Variants in GAREM1 observed in about 807,000 individuals in gnomAD.
The protein encoded by GAREM1 is GRB2 associated regulator of MAPK1 subtype 1.
A neutral mutation model predicts 71.3 loss-of-function variants in GAREM1; 26 were observed. That is an observed-to-expected ratio of 0.36 (90% CI 0.27 to 0.51). The LOEUF (loss-of-function observed/expected upper bound fraction) is 0.51. Ranked by LOEUF, GAREM1 falls within the 20% of genes least tolerant of loss-of-function variation. GAREM1 has a pLI of 0.95. For synonymous variants in GAREM1, 440 were observed against 433.2 expected (o/e 1.02, Z -0.20); for missense variants, 1,026 against 1,103.1 (o/e 0.93, Z 0.99).
At chr18:32,325,637 T>C (rs1328291185) in intron 2 of GAREM1, among the ~76,000 whole-genome samples, 2 of 152,192 alleles carry the variant, frequency 1.3e-5, no homozygotes, top group Non-Finnish European at 2.9e-5. Flanking sequence ...CACGTTTTGT[T>C]CTCATGGCTC....
intron 1 of GAREM1, among the ~76,000 whole-genome samples, chr18:32,466,839 T>C (rs1292925242): frequency 6.6e-6 from 1 of 152,204 alleles, no homozygotes; most frequent in Non-Finnish European, 1.5e-5. Context: ...GCTGATGAGA[T>C]ACATCTCATC....
At chr18:32,325,670 A>T (rs192752411) in intron 2 of GAREM1, among the ~76,000 whole-genome samples, 9 of 152,300 alleles carry the variant, frequency 5.9e-5, no homozygotes, top group African/African-American at 2.2e-4. Flanking sequence ...TTAATTTTGG[A>T]TTCAACATAA....
chr18:32,306,471 C>CTA (rs34231686), intron 3 of GAREM1, among the ~76,000 whole-genome samples: 2 of 151,774 alleles, frequency 1.3e-5, no homozygotes, highest in African/African-American at 4.9e-5. Flanking sequence ...CAACCCCCCC[C>CTA]ACCCACTAAA....
chr18:32,441,584 G>A (rs2048738154), intron 1 of GAREM1, among the ~76,000 whole-genome samples: 1 of 152,062 alleles, frequency 6.6e-6, no homozygotes, highest in Non-Finnish European at 1.5e-5. Flanking sequence ...TAATGACTGC[G>A]CACCCAGACA....
chr18:32,390,206 C>T (rs947840719), intron 2 of GAREM1, among the ~76,000 whole-genome samples: 6 of 151,708 alleles, frequency 4.0e-5, no homozygotes, highest in Non-Finnish European at 7.4e-5. Flanking sequence ...TAAAACCACA[C>T]TGCCTTCTTA....
chr18:32,315,542 T>C (rs1361086662), intron 2 of GAREM1, among the ~76,000 whole-genome samples: 1 of 148,422 alleles, frequency 6.7e-6, no homozygotes, highest in Non-Finnish European at 1.5e-5. Context: ...AGTAGATATA[T>C]ATATATATAC....
chr18:32,465,342 T>C (rs1389897491), intron 1 of GAREM1, among the ~76,000 whole-genome samples: 4 of 152,234 alleles, frequency 2.6e-5, no homozygotes, highest in Non-Finnish European at 5.9e-5. Context: ...GAAAGACCTC[T>C]GATGTTTACA....
chr18:32,339,628 C>A (rs2047630433), intron 2 of GAREM1, among the ~76,000 whole-genome samples: 1 of 152,214 alleles, frequency 6.6e-6, no homozygotes, highest in Non-Finnish European at 1.5e-5. Flanking sequence ...CCCAGACCAC[C>A]TTATGCCTGC....
At chr18:32,377,704 C>T (rs2048045267) in intron 2 of GAREM1, among the ~76,000 whole-genome samples, 1 of 152,184 alleles carries the variant, frequency 6.6e-6, no homozygotes, top group African/African-American at 2.4e-5. Flanking sequence ...GTTGGGACTA[C>T]AGGCGCATGC....
chr18:32,413,852 T>G (rs906482612), intron 1 of GAREM1, among the ~76,000 whole-genome samples: 2 of 152,188 alleles, frequency 1.3e-5, no homozygotes, highest in Admixed American at 1.3e-4. Flanking sequence ...GTACTGTGGT[T>G]AGTTACACTC....
intron 2 of GAREM1, among the ~76,000 whole-genome samples, chr18:32,337,100 T>C (rs1157363753): frequency 1.3e-5 from 2 of 152,198 alleles, no homozygotes; most frequent in Non-Finnish European, 2.9e-5. Flanking sequence ...TGAGAGACTC[T>C]AGGGAGATAT....
chr18:32,438,718 T>C (rs150028711), intron 1 of GAREM1, among the ~76,000 whole-genome samples: 1 of 152,358 alleles, frequency 6.6e-6, no homozygotes, highest in Non-Finnish European at 1.5e-5. Context: ...AATCTCAGTT[T>C]TCTTATCTAT....
intron 4 of GAREM1, among the ~76,000 whole-genome samples, chr18:32,284,589 C>A (rs1441774226): frequency 6.6e-6 from 1 of 152,098 alleles, no homozygotes; most frequent in African/African-American, 2.4e-5. Flanking sequence ...AAACATGAGT[C>A]CCCACTGTGT....
chr18:32,386,925 C>G (rs1481952156), intron 2 of GAREM1, among the ~76,000 whole-genome samples: 2 of 152,044 alleles, frequency 1.3e-5, no homozygotes, highest in African/African-American at 4.8e-5. Context: ...TACAGTAGAT[C>G]TCCATTTTAT....
In GAREM1 at chr18:32,358,772, T is replaced by A. The variant is rs549359864; in HGVS notation, c.262+34123A>T. Among the ~76,000 whole-genome samples, 172 of 152,064 alleles carry A rather than the reference T, an allele frequency of 1.1e-3. 1 individual carries two copies. The highest frequency in any genetic ancestry group is 1.4e-3 in the Non-Finnish European group (93 of 67,992). On this transcript the variant is annotated intron_variant, in intron 2 of 5. Coordinates refer to ENST00000269209, the MANE Select transcript of GAREM1 (RefSeq NM_001242409.2). ...GTGAAAACAGCAGGCCACTAGGAGG[T>A]CAGGGTCAAAGGAAGTAGTAGCAAC... is the stretch of plus-strand genomic sequence containing the variant.
intron 1 of GAREM1, among the ~76,000 whole-genome samples, chr18:32,402,557 C>T (rs1481142192): frequency 2.0e-5 from 3 of 152,120 alleles, no homozygotes; most frequent in African/African-American, 7.2e-5. Context: ...TTGCTATTTT[C>T]TCTCAGTGCT....
At chr18:32,443,545 G>A (rs754890151) in intron 1 of GAREM1, among the ~76,000 whole-genome samples, 27 of 152,082 alleles carry the variant, frequency 1.8e-4, no homozygotes, top group Non-Finnish European at 3.2e-4. Context: ...GCTCAACATC[G>A]TTAGTCATCA....
chr18:32,312,712 T>G (rs193277098), intron 2 of GAREM1, among the ~76,000 whole-genome samples: 1 of 152,180 alleles, frequency 6.6e-6, no homozygotes, highest in Non-Finnish European at 1.5e-5. Context: ...CATGCTTGCA[T>G]GCTGATGGGA....
intron 1 of GAREM1, among the ~76,000 whole-genome samples, chr18:32,404,443 T>TA (rs1484970592): frequency 6.8e-6 from 1 of 147,188 alleles, no homozygotes; most frequent in East Asian, 1.9e-4. Flanking sequence ...TTTCCATTCT[T>TA]ATGTTGCACA....
Sources: allele counts gnomAD v4.1 joint callset (sites outside exome capture counted in the v4.1 genomes callset), GRCh38; gene constraint gnomAD v4.1.1; transcripts MANE v1.5; gene names NCBI Gene and HGNC (gene_info 2026-07-23, HGNC 2026-07-21).